The following GRM4 variants were observed in gnomAD, a reference collection of about 807,000 sequenced individuals.
GRM4 encodes metabotropic glutamate receptor 4.
Under a neutral mutation model 81.7 loss-of-function variants are expected in GRM4, and 28 were observed. The observed-to-expected ratio is 0.34, with a 90% CI of 0.25 to 0.47. The LOEUF (loss-of-function observed/expected upper bound fraction) is 0.47, where lower values mean the gene tolerates loss of function less well. Ranked by LOEUF, GRM4 falls within the 20% of genes least tolerant of loss-of-function variation. The pLI, the probability that GRM4 is intolerant of heterozygous loss-of-function variation, is 1.00. For missense variants in GRM4, 948 were observed against 1,290.0 expected (o/e 0.73, Z 4.06); for synonymous variants, 488 against 528.8 (o/e 0.92, Z 1.06).
intron 3 of GRM4, among the ~76,000 whole-genome samples, chr6:34,067,926 C>A (rs1286380268): frequency 6.6e-6 from 1 of 152,166 alleles, no homozygotes; most frequent in African/African-American, 2.4e-5. Context: ...AAGTACAGGC[C>A]CCTCTCACAT....
At position 34,044,561 on chromosome 6, in the gene GRM4, GACAT is replaced by G. The variant is rs1461818387; in HGVS notation, c.1169-3817_1169-3814del. ...ATACAGACACACACACAAACACACA[GACAT>G]ACATACACATATATACACAGACACA... On this transcript the variant is annotated intron_variant, in intron 6 of 10. Transcript: ENST00000538487. Among the ~76,000 whole-genome samples the G allele has an allele frequency of 5.4e-4, 65 of 120,564 alleles. 2 individuals are homozygous for G. The highest frequency in any genetic ancestry group is 1.9e-3 in the African/African-American group (59 of 31,396). The allele number at this position is 120,564 out of a possible 152,430, so 79.1% of individuals were successfully genotyped here.
intron 2 of GRM4, among the ~76,000 whole-genome samples, chr6:34,127,667 G>T (rs1770072469): frequency 6.6e-6 from 1 of 152,190 alleles, no homozygotes; most frequent in African/African-American, 2.4e-5. Flanking sequence ...AATGGGCTGG[G>T]TAAGAGACTA....
chr6:34,075,320 C>T (rs1767257895), intron 3 of GRM4, among the ~76,000 whole-genome samples: 1 of 152,216 alleles, frequency 6.6e-6, no homozygotes, highest in Non-Finnish European at 1.5e-5. Flanking sequence ...CAGTCCTCTC[C>T]TCCGCCTCAC....
At chr6:34,087,705 C>CA (rs1439581694) in intron 3 of GRM4, among the ~76,000 whole-genome samples, 27 of 146,572 alleles carry the variant, frequency 1.8e-4, no homozygotes, top group African/African-American at 6.1e-4. Context: ...CACAACCCCC[C>CA]CCCCACACAC....
intron 2 of GRM4, among the ~76,000 whole-genome samples, chr6:34,123,214 A>G (rs1263815249): frequency 6.6e-6 from 1 of 152,102 alleles, no homozygotes; most frequent in Non-Finnish European, 1.5e-5. Flanking sequence ...GCCAGAGATC[A>G]CCCCAGCGCC....
rs575069305 is a variant in GRM4 at position 34,115,977 on chromosome 6, G to C, written c.519+17001C>G. ...ATTACATACAAGTGGGTTTTCTGCG[G>C]CCTCGCCACCCCTATCCAACCTGGA... On this transcript the variant is annotated intron_variant, in intron 2 of 10. Coordinates refer to ENST00000538487, the MANE Select transcript of GRM4 (RefSeq NM_000841.4). This position sits in a 1 kb window ranked among gnomAD's most constrained non-coding sequence, Gnocchi z 4.1. Among the ~76,000 whole-genome samples, 224 of 152,336 alleles carry C rather than the reference G, an allele frequency of 1.5e-3. No individual in the cohort carries two copies. The highest frequency in any genetic ancestry group is 5.1e-3 in the African/African-American group (210 of 41,564).
intron 2 of GRM4, among the ~76,000 whole-genome samples, chr6:34,093,830 G>A (rs372942841): frequency 1.3e-5 from 2 of 152,164 alleles, no homozygotes; most frequent in East Asian, 1.9e-4. Context: ...AGACCTTCAC[G>A]GGTGAGGATG....
intron 1 of GRM4, among the ~76,000 whole-genome samples, chr6:34,154,628 C>CACAT: frequency 6.8e-6 from 1 of 147,832 alleles, no homozygotes; most frequent in South Asian, 2.2e-4. Context: ...CACACACACA[C>CACAT]TCTTAGACTT....
intron 3 of GRM4, 127 bp downstream of exon 3, chr6:34,091,756 C>CCCA: frequency 1.4e-6 from 1 of 690,954 alleles, no homozygotes; most frequent in East Asian, 2.7e-5. Flanking sequence ...GAGGCCGAGG[C>CCCA]CCACCTGGCA....
intron 8 of GRM4, among the ~76,000 whole-genome samples, chr6:34,039,402 G>C (rs1050768501): frequency 1.3e-5 from 2 of 152,200 alleles, no homozygotes; most frequent in Non-Finnish European, 2.9e-5. Flanking sequence ...ATGAGGACCT[G>C]TCTCTGAGTC....
intron 6 of GRM4, 29 bp downstream of exon 6, chr6:34,056,515 G>GC (rs1561778702): frequency 6.3e-7 from 1 of 1,595,246 alleles, no homozygotes; most frequent in Non-Finnish European, 8.6e-7. Flanking sequence ...CCTAGAGCCC[G>GC]CCCGGCCCTG....
At chr6:34,023,186 C>G (rs367662715) in intron 10 of GRM4, among the ~76,000 whole-genome samples, 9 of 152,248 alleles carry the variant, frequency 5.9e-5, no homozygotes, top group African/African-American at 2.2e-4. Context: ...TGACTCCTTC[C>G]TCTAGCACTC....
intron 5 of GRM4, among the ~76,000 whole-genome samples, chr6:34,058,712 G>A (rs1873254): frequency 0.27 from 40,650 of 151,976 alleles, 6,745 homozygotes; most frequent in African/African-American, 0.47. Context: ...TTTCAGCAGC[G>A]GACTCTCCAC....
rs978200647 is a variant in GRM4 at position 34,136,417 on chromosome 6, C to T, written c.-363-2558G>A. On this transcript the variant is annotated intron_variant, in intron 1 of 10. Coordinates refer to ENST00000538487, the MANE Select transcript of GRM4 (RefSeq NM_000841.4). This position sits in a 1 kb window ranked among gnomAD's most constrained non-coding sequence, Gnocchi z 4.1. ...GACAGGCTGTGTGCTGGGGCTACAG[C>T]AGGGCAGATTCAGGCTGGGAGACCA... Among the ~76,000 whole-genome samples, 3 of 152,126 alleles carry T rather than the reference C, an allele frequency of 2.0e-5. No individual in the cohort carries two copies. The highest frequency in any genetic ancestry group is 7.2e-5 in the African/African-American group (3 of 41,428).
At chr6:34,113,241 G>A (rs115449130) in intron 2 of GRM4, among the ~76,000 whole-genome samples, 9,988 of 151,358 alleles carry the variant, frequency 0.066, 805 homozygotes, top group African/African-American at 0.19. Context: ...AGCCTCAAAC[G>A]CCTGAGTTCA....
chr6:34,100,681 T>TA (rs1768788292), intron 2 of GRM4, among the ~76,000 whole-genome samples: 1 of 152,238 alleles, frequency 6.6e-6, no homozygotes, highest in Non-Finnish European at 1.5e-5. Context: ...CACACAGAGC[T>TA]AATGCTGGGT....
chr6:34,120,131 G>A (rs1178776111), intron 2 of GRM4, among the ~76,000 whole-genome samples: 1 of 152,184 alleles, frequency 6.6e-6, no homozygotes, highest in African/African-American at 2.4e-5. Context: ...GCATCTGTGG[G>A]GTTGAAGGGT....
exon 1 of GRM4, chr6:34,155,315 T>G (rs774735437): frequency 6.5e-7 from 1 of 1,526,758 alleles, no homozygotes; most frequent in South Asian, 1.2e-5. Flanking sequence ...TGGGGTGCGA[T>G]GCAGAGGCGT....
chr6:34,043,492 C>A (rs554459228), intron 6 of GRM4, among the ~76,000 whole-genome samples: 59 of 152,310 alleles, frequency 3.9e-4, no homozygotes, highest in Admixed American at 1.2e-3. Flanking sequence ...CAGCTCCCAT[C>A]ACACCCTCAT....
Sources: gnomAD v4.1 joint callset for allele counts (sites outside exome capture counted in the v4.1 genomes callset) on GRCh38, gnomAD v4.1.1 for gene constraint, Gnocchi (gnomAD v3.1) non-coding constraint, MANE v1.5 for transcripts, NCBI Gene and HGNC (gene_info 2026-07-23, HGNC 2026-07-21) for gene names.